Variants in HTRA1 observed in about 807,000 individuals in gnomAD.
The protein encoded by HTRA1 is serine protease HTRA1.
In HTRA1, 26 loss-of-function variants were observed where a neutral mutation model predicts 49.7. The ratio of observed to expected loss-of-function variants is 0.52; its 90% confidence interval spans 0.38 to 0.73. HTRA1 has a LOEUF of 0.73. Ranked by LOEUF, HTRA1 falls within the 30% of genes least tolerant of loss-of-function variation. HTRA1 has a pLI of 0.00. For synonymous variants in HTRA1, 291 were observed against 286.9 expected (o/e 1.01, Z -0.14); for missense variants, 561 against 667.2 (o/e 0.84, Z 1.75).
intron 3 of HTRA1, among the ~76,000 whole-genome samples, chr10:122,505,613 TA>T (rs1292858372): frequency 6.6e-6 from 1 of 152,190 alleles, no homozygotes; most frequent in African/African-American, 2.4e-5. Context: ...ATGACTCAAG[TA>T]ACCCCTGGGT....
At position 122,464,531 on chromosome 10, in the gene HTRA1, A is replaced by T. The variant is rs2097482959; in HGVS notation, c.472+2407A>T. Among the ~76,000 whole-genome samples the T allele has an allele frequency of 6.6e-6, 1 of 152,162 alleles. No individual in the cohort carries two copies. The highest frequency in any genetic ancestry group is 1.5e-5 in the Non-Finnish European group (1 of 68,038). Reference sequence around the variant, plus strand: ...TGGCACATCGGAGGTACTTGGTACGAGTGGATTAGTGAATGAATAAATGAA... The same window carrying T: ...TGGCACATCGGAGGTACTTGGTACGTGTGGATTAGTGAATGAATAAATGAA... On this transcript the variant is annotated intron_variant, in intron 1 of 8. Coordinates refer to ENST00000368984, the MANE Select transcript of HTRA1 (RefSeq NM_002775.5). The surrounding 1 kb of genome is among the most constrained non-coding windows in gnomAD (Gnocchi z 4.8).
intron 1 of HTRA1, among the ~76,000 whole-genome samples, chr10:122,463,746 C>T (rs1409270937): frequency 1.3e-5 from 2 of 152,348 alleles, no homozygotes; most frequent in Non-Finnish European, 2.9e-5. Context: ...TAAACCCAGA[C>T]AGCCTCATTC....
At chr10:122,477,890 T>A (rs1241257743) in intron 1 of HTRA1, among the ~76,000 whole-genome samples, 1 of 126,028 alleles carries the variant, frequency 7.9e-6, no homozygotes, top group Non-Finnish European at 1.6e-5. Flanking sequence ...AGAACTTTTA[T>A]TTTCTTGTCA....
chr10:122,486,671 G>A (rs2097493210), intron 1 of HTRA1, among the ~76,000 whole-genome samples: 1 of 152,228 alleles, frequency 6.6e-6, no homozygotes, highest in Admixed American at 6.5e-5. Flanking sequence ...AGAGGGCTGG[G>A]ACGTCTCACA....
chr10:122,508,752 C>G lies in HTRA1; in HGVS notation c.1102C>G (p.His368Asp). The G allele has an allele frequency of 6.2e-7, 1 of 1,611,044 alleles. No individual in the cohort carries two copies. The change falls in exon 6 of 9, where the codon CAT becomes GAT. Residue 368 changes from histidine to aspartate, a missense_variant. Physicochemically the swap from His to Asp is moderately conservative, Grantham distance 81. This residue lies in a region of HTRA1 where 179 missense variants were observed against 173.4 expected (regional missense o/e 1.03). Coordinates refer to ENST00000368984, the MANE Select transcript of HTRA1 (RefSeq NM_002775.5). ...GATTAAAAAGTTCCTCACGGAGTCC[C>G]ATGACCGACAGGCCAAAGGTAGGCA... is the stretch of plus-strand genomic sequence containing the variant. ...DKIKKFLTES[H>D]DRQAKGKAIT...
chr10:122,514,111 T>C (rs2097506866), intron 8 of HTRA1, 80 bp from the exon 9 acceptor site: 1 of 1,369,248 alleles, frequency 7.3e-7, no homozygotes, highest in Non-Finnish European at 1.0e-6. Flanking sequence ...GGTTCTAAGC[T>C]GTGCCTCTGT....
chr10:122,472,852 G>C (rs970190513), intron 1 of HTRA1, among the ~76,000 whole-genome samples: 1 of 152,164 alleles, frequency 6.6e-6, no homozygotes, highest in African/African-American at 2.4e-5. Flanking sequence ...CTTAGGAGAG[G>C]TACTAAGGAG....
intron 1 of HTRA1, among the ~76,000 whole-genome samples, chr10:122,485,418 A>G (rs1227822578): frequency 1.3e-5 from 2 of 152,194 alleles, no homozygotes; most frequent in Non-Finnish European, 2.9e-5. Context: ...ACCTGATCTC[A>G]AATTTCACAT....
chr10:122,481,544 T>C (rs1487571737), intron 1 of HTRA1, among the ~76,000 whole-genome samples: 1 of 152,224 alleles, frequency 6.6e-6, no homozygotes, highest in Non-Finnish European at 1.5e-5. Context: ...TTGTGGATGT[T>C]TGCTGTCTAT....
At chr10:122,511,339 G>T (rs1293709451) in intron 7 of HTRA1, among the ~76,000 whole-genome samples, 1 of 152,142 alleles carries the variant, frequency 6.6e-6, no homozygotes, top group African/African-American at 2.4e-5. Flanking sequence ...ACTGTCCGAG[G>T]TCACACAGCT....
At chr10:122,513,552 T>C (rs2097506552) in intron 8 of HTRA1, among the ~76,000 whole-genome samples, 2 of 137,446 alleles carry the variant, frequency 1.5e-5, no homozygotes, top group Middle Eastern at 4.4e-3. Context: ...TCCCAGCTAC[T>C]CAGGAGGCTG....
chr10:122,491,017 G>A (rs1385279706), intron 3 of HTRA1, among the ~76,000 whole-genome samples: 1 of 152,212 alleles, frequency 6.6e-6, no homozygotes, highest in Non-Finnish European at 1.5e-5. Flanking sequence ...CTGGCCTTGA[G>A]TGAGGCTGCA....
chr10:122,510,702 T>C (rs573010056), intron 7 of HTRA1, among the ~76,000 whole-genome samples: 46 of 152,264 alleles, frequency 3.0e-4, no homozygotes, highest in African/African-American at 1.1e-3. Context: ...TGTTCTAAAC[T>C]GGATGAAAAA....
chr10:122,483,288 C>T (rs934706840), intron 1 of HTRA1, among the ~76,000 whole-genome samples: 1 of 151,858 alleles, frequency 6.6e-6, no homozygotes, highest in Non-Finnish European at 1.5e-5. Flanking sequence ...AGAGGAAAGA[C>T]GAATCATTTA....
chr10:122,461,682 G>C lies in HTRA1; in HGVS notation c.30G>C (p.Pro10=). MQIPRAALL[P]LLLLLLAAPA... is the part of the protein sequence containing the mutation. ...AGATCCCGCGCGCCGCTCTTCTCCC[G>C]CTGCTGCTGCTGCTGCTGGCGGCGC... Residue 10 remains proline (P), a synonymous_variant, in exon 1 of 9, where the codon CCG becomes CCC. Coordinates refer to ENST00000368984, the MANE Select transcript of HTRA1 (RefSeq NM_002775.5). The C allele has an allele frequency of 1.7e-6, 2 of 1,152,952 alleles. No homozygotes were observed. The highest frequency in any genetic ancestry group is 3.5e-5 in the South Asian group (2 of 57,470). 71.4% of individuals were successfully genotyped at this position (1,152,952 alleles called of 1,614,324 possible). A position where few individuals can be genotyped will look rare whatever the true frequency, so the allele number is the denominator to read the frequency against.
rs753645032 is a variant in HTRA1, at chr10:122,488,883, T to C, written c.473-19T>C. On this transcript the variant is annotated intron_variant, in intron 1 of 8. Transcript: ENST00000368984. ...CAGCAGAGTGTCATTAAGTATCTAT[T>C]CTTTGCTTTTGTTCTCAGGGCAGGA... is the stretch of plus-strand genomic sequence containing the variant. The C allele has an allele frequency of 6.3e-7, 1 of 1,595,556 alleles. No individual in the cohort carries two copies. Among genetic ancestry groups the C allele is most frequent in the Non-Finnish European group, 8.6e-7 (1 of 1,163,076 alleles).
intron 1 of HTRA1, among the ~76,000 whole-genome samples, chr10:122,474,697 A>G (rs570278878): frequency 2.0e-5 from 3 of 152,316 alleles, no homozygotes; most frequent in Admixed American, 6.5e-5. Context: ...TGAACCGAGC[A>G]GTCAGCTGTT....
chr10:122,488,869 C>A (rs750382225), intron 1 of HTRA1, 33 bp from the exon 2 acceptor site: 5 of 1,531,354 alleles, frequency 3.3e-6, no homozygotes, highest in South Asian at 2.2e-5. Context: ...AGCAGAGTGT[C>A]ATTAAGTATC....
At chr10:122,486,232 TC>T (rs1234179375) in intron 1 of HTRA1, among the ~76,000 whole-genome samples, 2 of 152,116 alleles carry the variant, frequency 1.3e-5, no homozygotes, top group East Asian at 3.9e-4. Flanking sequence ...AGCCTCAGTT[TC>T]CCCATATATA....
Sources: allele counts gnomAD v4.1 joint callset (sites outside exome capture counted in the v4.1 genomes callset), GRCh38; gene constraint gnomAD v4.1.1; regional missense constraint gnomAD v4.1.1; non-coding constraint Gnocchi (gnomAD v3.1); transcripts MANE v1.5; gene names NCBI Gene and HGNC (gene_info 2026-07-23, HGNC 2026-07-21).